Variants in FAM78B observed in about 807,000 individuals in gnomAD.
FAM78B encodes the protein protein FAM78B.
FAM78B carries 10 observed loss-of-function variants against 20.0 expected under a neutral mutation model. The observed-to-expected ratio is 0.50, with a 90% CI of 0.31 to 0.85. FAM78B has a LOEUF of 0.85. Among genes scored for constraint, FAM78B ranks in the 40% least tolerant of loss-of-function variants. The pLI, the probability that FAM78B is intolerant of heterozygous loss-of-function variation, is 0.05. For missense variants in FAM78B, 283 were observed against 345.0 expected (o/e 0.82, Z 1.42); for synonymous variants, 135 against 132.8 (o/e 1.02, Z -0.12).
intron 1 of FAM78B, among the ~76,000 whole-genome samples, chr1:166,079,353 G>A (rs1571141272): frequency 1.3e-5 from 2 of 152,264 alleles, no homozygotes; most frequent in South Asian, 2.1e-4. Context: ...TGGGTACCTA[G>A]GATCTCAATA....
intron 2 of FAM78B, among the ~76,000 whole-genome samples, chr1:166,064,034 G>T (rs1262700451): frequency 6.6e-6 from 1 of 152,164 alleles, no homozygotes. Context: ...GCCCAGCTGG[G>T]AGAGGCACAG....
intron 1 of FAM78B, among the ~76,000 whole-genome samples, chr1:166,135,127 G>C (rs1273359330): frequency 6.6e-6 from 1 of 152,146 alleles, no homozygotes; most frequent in Non-Finnish European, 1.5e-5. Context: ...CACCTACAGA[G>C]GTTAATTTTC....
intron 1 of FAM78B, among the ~76,000 whole-genome samples, chr1:166,097,434 C>T (rs11590461): frequency 0.2 from 29,699 of 152,182 alleles, 3,309 homozygotes; most frequent in East Asian, 0.38. Context: ...CCCTTTTCTT[C>T]TGCAGCTGAG....
chr1:166,060,310 G>A (rs528266702), exon 3 of FAM78B: 2 of 310,660 alleles, frequency 6.4e-6, no homozygotes, highest in African/African-American at 2.2e-5. Flanking sequence ...TCATCCCTAG[G>A]AGGCTTCACT....
At chr1:166,165,326 G>A (rs906240767) in intron 1 of FAM78B, among the ~76,000 whole-genome samples, 1 of 152,142 alleles carries the variant, frequency 6.6e-6, no homozygotes, top group Non-Finnish European at 1.5e-5. Flanking sequence ...GCCCTTCTTG[G>A]CCGGGACGCA....
chr1:166,144,557 C>T (rs1655392242), intron 1 of FAM78B, among the ~76,000 whole-genome samples: 1 of 152,030 alleles, frequency 6.6e-6, no homozygotes, highest in South Asian at 2.1e-4. Flanking sequence ...GGTTGTTGTC[C>T]TCATGATGGA....
chr1:166,085,329 A>AG lies in FAM78B; in HGVS notation c.264-14567dup, dbSNP rs146578005. ...TGGGGACCCTGGGCAGCTCAGGGGAAGGGGGGCCACTGTACCATCCCTTCC... is the reference window on the plus strand; with the variant it reads ...TGGGGACCCTGGGCAGCTCAGGGGAAGGGGGGGCCACTGTACCATCCCTTCC... On this transcript the variant is annotated intron_variant, in intron 1 of 1. Transcript: ENST00000354422. Among the ~76,000 whole-genome samples the AG allele has an allele frequency of 1.2e-4, 19 of 152,262 alleles. No homozygotes were observed. In the East Asian group the frequency reaches 3.1e-3, roughly 25 times the overall value.
At chr1:166,119,595 C>T (rs539278429) in intron 1 of FAM78B, among the ~76,000 whole-genome samples, 162 of 152,324 alleles carry the variant, frequency 1.1e-3, no homozygotes, top group African/African-American at 3.8e-3. Context: ...TTTAACCCTT[C>T]TTCCAGCTGC....
chr1:166,126,506 C>T (rs548708165), intron 1 of FAM78B, among the ~76,000 whole-genome samples: 142 of 152,086 alleles, frequency 9.3e-4, no homozygotes, highest in Non-Finnish European at 1.7e-3. Flanking sequence ...ACTGAGAAGA[C>T]GATAACTGAG....
chr1:166,075,558 G>A (rs978344028), intron 1 of FAM78B, among the ~76,000 whole-genome samples: 2 of 152,200 alleles, frequency 1.3e-5, no homozygotes, highest in Non-Finnish European at 2.9e-5. Context: ...TAGAGCATGA[G>A]GATGATGAGG....
rs574676397 is a variant in FAM78B at position 166,088,711 on chromosome 1, C to G, written c.264-17948G>C. 1.1e-4 allele frequency among the ~76,000 whole-genome samples: 17 copies of G among 152,238 alleles called. No individual in the cohort carries two copies. In the South Asian group the frequency reaches 3.5e-3, roughly 32 times the overall value. On this transcript the variant is annotated intron_variant, in intron 1 of 1. Transcript: ENST00000354422. ...AGGGCTTCCTGACTGTTCCAGCCTG[C>G]CTGACTTCTGGAGGGATGTAGGACT...
intron 1 of FAM78B, among the ~76,000 whole-genome samples, chr1:166,156,173 G>C (rs527406537): frequency 6.6e-6 from 1 of 152,380 alleles, no homozygotes; most frequent in East Asian, 1.9e-4. Flanking sequence ...GCCTCGCACA[G>C]TGACCCTGTT....
chr1:166,100,343 G>C (rs1283894974), intron 1 of FAM78B, among the ~76,000 whole-genome samples: 1 of 152,190 alleles, frequency 6.6e-6, no homozygotes, highest in Non-Finnish European at 1.5e-5. Context: ...CAGACAGTGG[G>C]TGCAGGACAG....
At chr1:166,151,492 C>A (rs930470206) in intron 1 of FAM78B, among the ~76,000 whole-genome samples, 8 of 152,170 alleles carry the variant, frequency 5.3e-5, no homozygotes, top group Non-Finnish European at 1.0e-4. Flanking sequence ...TAGAATAAAG[C>A]CCTAAACATT....
At chr1:166,108,964 G>T (rs1653893291) in intron 1 of FAM78B, among the ~76,000 whole-genome samples, 1 of 152,080 alleles carries the variant, frequency 6.6e-6, no homozygotes, top group African/African-American at 2.4e-5. Context: ...GCCACATGCA[G>T]AATGAAACTG....
At chr1:166,132,488 T>C (rs1017026678) in intron 1 of FAM78B, among the ~76,000 whole-genome samples, 1 of 152,176 alleles carries the variant, frequency 6.6e-6, no homozygotes, top group African/African-American at 2.4e-5. Context: ...GTTTGTGAAG[T>C]GCAAAAAAAC....
chr1:166,151,981 C>G (rs193034613), intron 1 of FAM78B, among the ~76,000 whole-genome samples: 9 of 152,332 alleles, frequency 5.9e-5, no homozygotes, highest in Admixed American at 5.2e-4. Context: ...CTCTGAAAGA[C>G]TTTTCAATTG....
chr1:166,125,280 G>A (rs1389919285), intron 1 of FAM78B, among the ~76,000 whole-genome samples: 3 of 152,114 alleles, frequency 2.0e-5, no homozygotes, highest in Non-Finnish European at 4.4e-5. Context: ...GCCATTGGAT[G>A]CCCCCTGACT....
intron 1 of FAM78B, among the ~76,000 whole-genome samples, chr1:166,118,143 C>T (rs75814648): frequency 0.014 from 2,093 of 152,258 alleles, 48 homozygotes; most frequent in African/African-American, 0.048. Flanking sequence ...GAAAGTTACA[C>T]GGAAGCAGAT....
Sources: allele counts gnomAD v4.1 joint callset (sites outside exome capture counted in the v4.1 genomes callset), GRCh38; gene constraint gnomAD v4.1.1; transcripts MANE v1.5; gene names NCBI Gene and HGNC (gene_info 2026-07-23, HGNC 2026-07-21).